The following ZFAND4 variants were observed in gnomAD, a reference collection of about 807,000 sequenced individuals.
ZFAND4 encodes AN1-type zinc finger protein 4.
A neutral mutation model predicts 64.4 loss-of-function variants in ZFAND4; 43 were observed. The ratio of observed to expected loss-of-function variants is 0.67; its 90% CI spans 0.52 to 0.86. ZFAND4 has a LOEUF of 0.86. ZFAND4 is among the 40% of genes least tolerant of loss of function. ZFAND4 has a pLI of 0.00. For synonymous variants in ZFAND4, 296 were observed against 305.7 expected (o/e 0.97, Z 0.33); for missense variants, 929 against 859.8 (o/e 1.08, Z -1.01).
At chr10:45,671,520 T>C (rs2049188122) in intron 1 of ZFAND4, among the ~76,000 whole-genome samples, 1 of 152,206 alleles carries the variant, frequency 6.6e-6, no homozygotes, top group African/African-American at 2.4e-5. Context: ...GATGAGTTCA[T>C]GTCCTTTGCA....
chr10:45,663,657 A>G lies in ZFAND4; in HGVS notation c.69T>C (p.His23=), dbSNP rs763220594. 1.9e-6 allele frequency: 3 copies of G among 1,611,418 alleles called. No homozygotes were observed. The African/African-American group carries it at 4.0e-5, about 22-fold the overall frequency. Residue 23 remains histidine, a synonymous_variant, in exon 2 of 10, where the codon CAT becomes CAC. Coordinates refer to ENST00000344646, the MANE Select transcript of ZFAND4 (RefSeq NM_174890.4). The part of the protein sequence containing the change: ...DNMGPFYYRL[H]FCDTMELFIE... ...TGAAGAGCTCCATGGTATCACAGAA[A>G]TGAAGTCTGTAGTAAAATGGTCCCA...
At chr10:45,622,942 CA>C (rs1169514455) in intron 8 of ZFAND4, among the ~76,000 whole-genome samples, 2 of 151,930 alleles carry the variant, frequency 1.3e-5, no homozygotes, top group Admixed American at 6.6e-5. Context: ...GACATTTCTC[CA>C]AAGAAGATCT....
rs745377255 is a variant in ZFAND4, at chr10:45,626,378, G to A, written c.1445C>T (p.Ser482Leu). ...LSPLRCSAPM[S>L]LHNSLVKPER... ...TGGTTTCACCAGAGAATTATGTAGCGACATTGGTGCAGAACAGCGAAGAGG... is the reference window on the plus strand; with the variant it reads ...TGGTTTCACCAGAGAATTATGTAGCAACATTGGTGCAGAACAGCGAAGAGG... Residue 482 changes from serine to leucine, a missense_variant, in exon 7 of 10, where the codon TCG becomes TTG. Transcript: ENST00000344646. The A allele has an allele frequency of 2.7e-5, 43 of 1,614,024 alleles. No individual in the cohort carries two copies. The East Asian group carries it at 3.6e-4, about 13-fold the overall frequency.
chr10:45,635,291 C>T (rs1046965105), intron 6 of ZFAND4, among the ~76,000 whole-genome samples: 2 of 145,230 alleles, frequency 1.4e-5, no homozygotes, highest in Admixed American at 6.9e-5. Context: ...GCTACAGTAA[C>T]CAAAACAGCA....
chr10:45,635,876 CAT>C (rs1253169172), intron 6 of ZFAND4, among the ~76,000 whole-genome samples: 1 of 152,010 alleles, frequency 6.6e-6, no homozygotes, highest in Non-Finnish European at 1.5e-5. Context: ...AATTTTATGA[CAT>C]ATGTATTTTA....
chr10:45,635,214 C>CAAAAAAAAAAAAAAAA (rs76130878), intron 6 of ZFAND4, among the ~76,000 whole-genome samples: 2 of 68,256 alleles, frequency 2.9e-5, no homozygotes, highest in African/African-American at 5.6e-5. Context: ...AAAAAAAAAA[C>CAAAAAAAAAAAAAAAA]AAAAAAAAAA....
In ZFAND4 at chr10:45,617,617, C is replaced by T. The variant is rs142161103; in HGVS notation, c.2048+523G>A. On this transcript the variant is annotated intron_variant, in intron 9 of 9. Coordinates refer to ENST00000344646, the MANE Select transcript of ZFAND4 (RefSeq NM_174890.4). The stretch of plus-strand genomic sequence containing the variant: ...AAAAAAAAAAAAAAAAAAAAAAGTC[C>T]GCAGCAGCAGTTATTTTAATTCAAG... 247 of 139,562 alleles carry T rather than the reference C, an allele frequency of 1.8e-3. 1 individual carries two copies. The highest frequency in any genetic ancestry group is 6.5e-3 in the African/African-American group (240 of 37,056). 8.6% of individuals were successfully genotyped at this position (139,562 alleles called of 1,614,324 possible). A position where few individuals can be genotyped will look rare whatever the true frequency, so the allele number is the denominator to read the frequency against.
chr10:45,668,501 C>A (rs975430171), intron 1 of ZFAND4, among the ~76,000 whole-genome samples: 3 of 152,210 alleles, frequency 2.0e-5, no homozygotes, highest in African/African-American at 7.2e-5. Context: ...CAGCTAACAT[C>A]ATAAAGACAG....
rs1421395947 is a variant in ZFAND4 at position 45,626,231 on chromosome 10, A to G, written c.1592T>C (p.Val531Ala). Residue 531 changes from valine to alanine, a missense_variant, in exon 7 of 10, where the codon GTT becomes GCT. Physicochemically the swap from Val to Ala is moderately conservative, Grantham distance 64 (BLOSUM62 0). Transcript: ENST00000344646. Reference sequence around the variant, plus strand: ...ATCAGATCTTTTCCCAAGTGAATCAACTTTAACACCTTGAAAGCAAGTAGT... The same window carrying G: ...ATCAGATCTTTTCCCAAGTGAATCAGCTTTAACACCTTGAAAGCAAGTAGT... ...SRTTCFQGVK[V>A]DSLGKRSDVI... 1 of 1,614,206 alleles carries G rather than the reference A, an allele frequency of 6.2e-7. No individual in the cohort carries two copies. The highest frequency in any genetic ancestry group is 8.5e-7 in the Non-Finnish European group (1 of 1,180,028).
intron 2 of ZFAND4, among the ~76,000 whole-genome samples, chr10:45,661,034 G>A (rs975274218): frequency 2.6e-5 from 4 of 152,022 alleles, no homozygotes; most frequent in African/African-American, 7.3e-5. Context: ...CAAAAAACAG[G>A]ATGTAGGTCA....
intron 6 of ZFAND4, among the ~76,000 whole-genome samples, chr10:45,638,765 CACA>C (rs1416239336): frequency 3.9e-5 from 6 of 152,050 alleles, no homozygotes; most frequent in African/African-American, 1.4e-4. Context: ...TACAATAGTA[CACA>C]ACAATAAAAA....
rs1317971800 is a variant in ZFAND4, at chr10:45,618,246, G to A, written c.1942C>T (p.His648Tyr). The change falls in exon 9 of 10, where the codon CAT becomes TAT. Residue 648 changes from histidine to tyrosine, a missense_variant. Coordinates refer to ENST00000344646, the MANE Select transcript of ZFAND4 (RefSeq NM_174890.4). ...GGGGCTTTCACAGGTGGGAGGTGAT[G>A]AGTAGTACATTCTCCTGTTTAGAGA... Reference protein sequence around the residue: ...AGKSVGECTTHHLPPVKAPLQ... With the variant: ...AGKSVGECTTYHLPPVKAPLQ... 1 of 1,613,048 alleles carries A rather than the reference G, an allele frequency of 6.2e-7. No homozygotes were observed. The highest frequency in any genetic ancestry group is 2.2e-5 in the East Asian group (1 of 44,814).
chr10:45,632,271 T>C (rs2046277260), intron 6 of ZFAND4, among the ~76,000 whole-genome samples: 2 of 152,144 alleles, frequency 1.3e-5, no homozygotes, highest in South Asian at 2.1e-4. Flanking sequence ...GGCAGGAGAA[T>C]TGCTTGAACC....
At chr10:45,635,458 G>A (rs149983706) in intron 6 of ZFAND4, among the ~76,000 whole-genome samples, 515 of 152,112 alleles carry the variant, frequency 3.4e-3, no homozygotes, top group African/African-American at 0.012. Context: ...TGGGAAAACT[G>A]GATCCACATG....
intron 1 of ZFAND4, among the ~76,000 whole-genome samples, chr10:45,664,937 C>CA (rs111822332): frequency 0.059 from 8,835 of 150,874 alleles, 369 homozygotes; most frequent in African/African-American, 0.12. Context: ...GTCTCAAAAA[C>CA]AAAAAAAAGT....
chr10:45,644,392 C>T (rs1357419075), intron 5 of ZFAND4, among the ~76,000 whole-genome samples: 2 of 152,152 alleles, frequency 1.3e-5, no homozygotes, highest in African/African-American at 4.8e-5. Flanking sequence ...TCACAATATT[C>T]CCAACTTTCA....
Position 45,626,217 on chromosome 10 carries a change from T to C in ZFAND4, c.1606A>G (p.Lys536Glu). 1 of 1,614,194 alleles carries C rather than the reference T, an allele frequency of 6.2e-7. No homozygotes were observed. The highest frequency in any genetic ancestry group is 2.2e-5 in the East Asian group (1 of 44,890). Residue 536 changes from lysine (K) to glutamate (E), a missense_variant, in exon 7 of 10, where the codon AAA becomes GAA. Transcript: ENST00000344646. ...FQGVKVDSLG[K>E]RSDVISKVEA... ...ACTTTGGAAATAACATCAGATCTTT[T>C]CCCAAGTGAATCAACTTTAACACCT...
Position 45,649,692 on chromosome 10 carries a change from T to C in ZFAND4, c.329-1158A>G, listed in dbSNP as rs188084797. On this transcript the variant is annotated intron_variant, in intron 4 of 9. Transcript: ENST00000344646. ...TTGATTTACTTTCACAGGCCCAAAA[T>C]GTATAAATATTAAAAGACACTTTTC... The C allele has an allele frequency of 9.8e-5, 15 of 152,334 alleles. 1 individual carries two copies. The East Asian group carries it at 2.9e-3, about 29-fold the overall frequency. The allele number at this position is 152,334 out of a possible 1,614,324, so 9.4% of individuals were successfully genotyped here.
intron 2 of ZFAND4, among the ~76,000 whole-genome samples, chr10:45,658,758 A>T (rs956204439): frequency 1.3e-5 from 2 of 152,256 alleles, no homozygotes; most frequent in African/African-American, 4.8e-5. Flanking sequence ...TCAACTTACC[A>T]AAAACTTGTA....
Sources: allele counts gnomAD v4.1 joint callset (sites outside exome capture counted in the v4.1 genomes callset), GRCh38; gene constraint gnomAD v4.1.1; transcripts MANE v1.5; gene names NCBI Gene and HGNC (gene_info 2026-07-23, HGNC 2026-07-21).